The following LRGUK variants were observed in gnomAD, a reference collection of about 807,000 sequenced individuals.
LRGUK encodes the protein leucine-rich repeat and guanylate kinase domain-containing protein.
LRGUK carries 65 observed loss-of-function variants against 76.0 expected under a neutral mutation model. The observed-to-expected ratio is 0.85, with a 90% CI of 0.70 to 1.05. The LOEUF (loss-of-function observed/expected upper bound fraction) is 1.05. Among genes scored for constraint, LRGUK ranks in the 50% least tolerant of loss-of-function variants. LRGUK has a pLI of 0.00. For missense variants in LRGUK, 758 were observed against 732.8 expected (o/e 1.03, Z -0.40); for synonymous variants, 268 against 265.6 (o/e 1.01, Z -0.09).
chr7:134,264,296 C>T (rs796360046), exon 20 of LRGUK: 23 of 193,394 alleles, frequency 1.2e-4, no homozygotes, highest in South Asian at 5.4e-4. Flanking sequence ...GCTCCCTGCT[C>T]GGAAATATCA....
At chr7:134,199,106 ATTC>A in intron 13 of LRGUK, 111 bp from the exon 14 acceptor site, 1 of 719,020 alleles carries the variant, frequency 1.4e-6, no homozygotes, top group Non-Finnish European at 2.3e-6. Flanking sequence ...GATGAAATAA[ATTC>A]TTCAATATAT....
chr7:134,209,306 C>A (rs1801142714), exon 16 of LRGUK: 1 of 399,424 alleles, frequency 2.5e-6, no homozygotes, highest in East Asian at 3.6e-5. Context: ...GTCAGACAAA[C>A]TTCCACCCAG....
chr7:134,183,742 C>T, exon 11 of LRGUK: 1 of 1,613,946 alleles, frequency 6.2e-7, no homozygotes, highest in Non-Finnish European at 8.5e-7. Flanking sequence ...AGCACTCTTC[C>T]CAGCCTGGAT....
intron 18 of LRGUK, among the ~76,000 whole-genome samples, chr7:134,250,108 CGCATG>C (rs1409955091): frequency 6.6e-6 from 1 of 152,146 alleles, no homozygotes; most frequent in Non-Finnish European, 1.5e-5. Flanking sequence ...AGCATCCAAA[CGCATG>C]GCAATGTAAT....
chr7:134,137,976 A>G (rs1054375122), intron 2 of LRGUK, among the ~76,000 whole-genome samples: 21 of 152,316 alleles, frequency 1.4e-4, no homozygotes, highest in Admixed American at 8.5e-4. Flanking sequence ...GAAATGTTAA[A>G]CTTTTTTCAC....
At chr7:134,189,437 G>C (rs914155748) in intron 11 of LRGUK, among the ~76,000 whole-genome samples, 3 of 152,008 alleles carry the variant, frequency 2.0e-5, no homozygotes, top group Non-Finnish European at 4.4e-5. Flanking sequence ...TGTGAAAATT[G>C]GATGATGAAT....
At chr7:134,241,228 A>G (rs1359482877) in intron 16 of LRGUK, among the ~76,000 whole-genome samples, 2 of 152,228 alleles carry the variant, frequency 1.3e-5, no homozygotes, top group African/African-American at 4.8e-5. Context: ...TAAATGGGCT[A>G]AATGCTCCAA....
intron 16 of LRGUK, among the ~76,000 whole-genome samples, chr7:134,230,106 G>C (rs1801856582): frequency 6.6e-6 from 1 of 152,062 alleles, no homozygotes; most frequent in African/African-American, 2.4e-5. Flanking sequence ...AGACTACAGA[G>C]AGTGGGGAGA....
chr7:134,163,589 C>T (rs1213241638), intron 7 of LRGUK, 49 bp downstream of exon 7: 2 of 1,534,988 alleles, frequency 1.3e-6, no homozygotes, highest in Non-Finnish European at 1.8e-6. Context: ...CATAAGAGGA[C>T]ATATTAGAGA....
chr7:134,157,912 G>A (rs2116910171), intron 5 of LRGUK, 123 bp from the exon 6 acceptor site: 1 of 652,894 alleles, frequency 1.5e-6, no homozygotes, highest in South Asian at 2.4e-5. Context: ...TCCTATATTG[G>A]GCATATAATC....
At chr7:134,270,121 A>C in the LRGUK span, among the ~76,000 whole-genome samples, 1 of 152,214 alleles carries the variant, frequency 6.6e-6, no homozygotes, top group African/African-American at 2.4e-5. Flanking sequence ...AATAAAAAGA[A>C]TACACATTAC....
chr7:134,181,315 A>T (rs1799736013), intron 10 of LRGUK, among the ~76,000 whole-genome samples: 1 of 152,206 alleles, frequency 6.6e-6, no homozygotes, highest in Non-Finnish European at 1.5e-5. Flanking sequence ...GAATATATTA[A>T]AAATGTTACT....
the LRGUK span, among the ~76,000 whole-genome samples, chr7:134,270,481 A>C: frequency 6.6e-6 from 1 of 152,088 alleles, no homozygotes; most frequent in African/African-American, 2.4e-5. Flanking sequence ...ATCCTTTCTA[A>C]TTATATTTTC....
intron 16 of LRGUK, among the ~76,000 whole-genome samples, chr7:134,229,085 A>T (rs1478068341): frequency 6.6e-6 from 1 of 152,208 alleles, no homozygotes; most frequent in Non-Finnish European, 1.5e-5. Flanking sequence ...TTTTAAAAAT[A>T]TATTTTCAGG....
intron 18 of LRGUK, among the ~76,000 whole-genome samples, chr7:134,257,811 A>C: frequency 6.9e-6 from 1 of 144,328 alleles, no homozygotes; most frequent in African/African-American, 2.5e-5. Flanking sequence ...CTCCAAAAAC[A>C]AAAAAAAAAA....
rs764293697 is a variant in LRGUK at position 134,178,576 on chromosome 7, A to G, written c.1181A>G (p.Asn394Ser). ...CAAGACCACCTGACCCATGTTGTCAACAGCGTGATGCAGCCGCAGAGGATC... is the reference window on the plus strand; with the variant it reads ...CAAGACCACCTGACCCATGTTGTCAGCAGCGTGATGCAGCCGCAGAGGATC... Residue 394 changes from asparagine (N) to serine (S), a missense_variant, in exon 10 of 16, where the codon AAC (asparagine) becomes AGC (serine). Asn to Ser is a conservative substitution (Grantham distance 46). Coordinates refer to ENST00000645682, the Ensembl canonical transcript of LRGUK. 2 of 1,613,326 alleles carry G rather than the reference A, an allele frequency of 1.2e-6. No homozygotes were observed. The highest frequency in any genetic ancestry group is 2.2e-5 in the South Asian group (2 of 90,990).
intron 1 of LRGUK, among the ~76,000 whole-genome samples, chr7:134,135,878 G>T (rs189613611): frequency 4.6e-5 from 7 of 152,086 alleles, no homozygotes; most frequent in Non-Finnish European, 1.0e-4. Context: ...GGATGGTCTC[G>T]ATCTCCTGAC....
chr7:134,127,468 C>A, exon 1 of LRGUK: 1 of 1,614,040 alleles, frequency 6.2e-7, no homozygotes, highest in Non-Finnish European at 8.5e-7. Flanking sequence ...CAGTTTCGCG[C>A]AGAAAAAGAG....
At chr7:134,248,422 G>A (rs1261575586) in intron 17 of LRGUK, among the ~76,000 whole-genome samples, 1 of 152,176 alleles carries the variant, frequency 6.6e-6, no homozygotes, top group Non-Finnish European at 1.5e-5. Flanking sequence ...GTTTATTCAC[G>A]AAAAATGGCT....
Sources: allele counts gnomAD v4.1 joint callset (sites outside exome capture counted in the v4.1 genomes callset), GRCh38; gene constraint gnomAD v4.1.1; transcripts MANE v1.5; gene names NCBI Gene and HGNC (gene_info 2026-07-23, HGNC 2026-07-21).